SPDEF: variants seen among roughly 807,000 people sequenced by gnomAD.
SPDEF encodes SAM pointed domain containing ETS transcription factor.
Under a neutral mutation model 36.0 loss-of-function variants are expected in SPDEF, and 12 were observed. The observed-to-expected ratio is 0.33, with a 90% CI of 0.21 to 0.54. The LOEUF (loss-of-function observed/expected upper bound fraction) is 0.54. Ranked by LOEUF, SPDEF falls within the 20% of genes least tolerant of loss-of-function variation. The pLI is 0.93. For synonymous variants in SPDEF, 205 were observed against 193.0 expected, an observed-to-expected ratio of 1.06 and a Z score of -0.51; for missense variants, 388 against 456.9, an observed-to-expected ratio of 0.85 and a Z score of 1.37.
intron 1 of SPDEF, among the ~76,000 whole-genome samples, chr6:34,550,988 G>A (rs1429325580): frequency 6.6e-6 from 1 of 152,218 alleles, no homozygotes; most frequent in Non-Finnish European, 1.5e-5. Flanking sequence ...CAGGAGGAAG[G>A]TCAAACTGAA....
In SPDEF at chr6:34,552,549, TCCAG is replaced by T. The variant is rs1768084557; in HGVS notation, c.-30+3376_-30+3379del. On this transcript the variant is annotated intron_variant, in intron 1 of 5. Transcript: ENST00000374037. This position sits in a 1 kb window ranked among gnomAD's most constrained non-coding sequence, Gnocchi z 4.6. ...CCATCTGCCGTGTTTCTGCGGCCCC[TCCAG>T]ACCCAGCACAGGCCAGGGAAGGCAG... Among the ~76,000 whole-genome samples the T allele has an allele frequency of 6.6e-6, 1 of 152,110 alleles. No homozygotes were observed. The highest frequency in any genetic ancestry group is 1.5e-5 in the Non-Finnish European group (1 of 68,014).
intron 1 of SPDEF, among the ~76,000 whole-genome samples, chr6:34,547,631 T>C (rs915370638): frequency 6.6e-6 from 1 of 152,140 alleles, no homozygotes; most frequent in Non-Finnish European, 1.5e-5. Flanking sequence ...CCTCCCAAAC[T>C]GCTGGGATTA....
chr6:34,551,770 C>G (rs3778070), intron 1 of SPDEF, among the ~76,000 whole-genome samples: 27,022 of 152,098 alleles, frequency 0.18, 2,870 homozygotes, highest in East Asian at 0.55. Flanking sequence ...TGCACCTCAC[C>G]AGCTGCCCAT....
intron 2 of SPDEF, among the ~76,000 whole-genome samples, 177 bp from the exon 3 acceptor site, chr6:34,541,358 G>A (rs894124053): frequency 1.2e-4 from 19 of 152,260 alleles, no homozygotes; most frequent in African/African-American, 4.3e-4. Flanking sequence ...AGAGAGTGGG[G>A]CGAGAGGAAG....
intron 1 of SPDEF, among the ~76,000 whole-genome samples, chr6:34,554,454 G>A (rs1280887650): frequency 6.6e-6 from 1 of 152,190 alleles, no homozygotes; most frequent in Non-Finnish European, 1.5e-5. Flanking sequence ...CTGACAGTGT[G>A]CAATAAGCAA....
rs1426948384 is a variant in SPDEF, at chr6:34,538,527, G to A, written c.830-75C>T. The A allele has an allele frequency of 2.7e-6, 4 of 1,476,986 alleles. No individual in the cohort carries two copies. 91.5% of individuals were successfully genotyped at this position (1,476,986 alleles called of 1,614,324 possible). ...GAAGGAGAAAGACGCAGACCACCAG[G>A]TCAGCCTCGTGGCGAACCAAGGGAC... is the stretch of plus-strand genomic sequence containing the variant. On this transcript the variant is annotated intron_variant, in intron 5 of 5. Coordinates refer to ENST00000374037, the MANE Select transcript of SPDEF (RefSeq NM_012391.3). The surrounding 1 kb of genome is among the most constrained non-coding windows in gnomAD (Gnocchi z 5.9).
rs931542725 is a variant in SPDEF at position 34,552,317 on chromosome 6, T to A, written c.-30+3612A>T. Among the ~76,000 whole-genome samples, 3 of 152,196 alleles carry A rather than the reference T, an allele frequency of 2.0e-5. No individual in the cohort carries two copies. Among genetic ancestry groups the A allele is most frequent in the Non-Finnish European group, 4.4e-5 (3 of 68,042 alleles). On this transcript the variant is annotated intron_variant, in intron 1 of 5. Coordinates refer to ENST00000374037, the MANE Select transcript of SPDEF (RefSeq NM_012391.3). The surrounding 1 kb of genome is among the most constrained non-coding windows in gnomAD (Gnocchi z 4.6). The stretch of plus-strand genomic sequence containing the variant: ...CTGCCCAGCAGGGTCGTTGAGGGCA[T>A]GAGAACACACGGATGTCACCGGAGC...
At chr6:34,540,242 G>C (rs56781192) in intron 3 of SPDEF, among the ~76,000 whole-genome samples, 1,691 of 152,220 alleles carry the variant, frequency 0.011, 44 homozygotes, top group East Asian at 0.094. Context: ...CGAGGCTATA[G>C]TGAGCTGTGA....
chr6:34,547,242 C>T (rs916208714), intron 1 of SPDEF, among the ~76,000 whole-genome samples: 9 of 151,420 alleles, frequency 5.9e-5, no homozygotes, highest in Admixed American at 1.3e-4. Context: ...TGTGTGGGGT[C>T]GGTGGGGATG....
At chr6:34,543,893 C>T (rs2127286203) in intron 2 of SPDEF, 127 bp downstream of exon 2, 2 of 882,926 alleles carry the variant, frequency 2.3e-6, no homozygotes, top group Middle Eastern at 3.0e-4. Flanking sequence ...GTGCCAGCAT[C>T]CCCAAAGCTG....
At position 34,552,720 on chromosome 6, in the gene SPDEF, C is replaced by T. The variant is rs1768089165; in HGVS notation, c.-30+3209G>A. 6.6e-6 allele frequency among the ~76,000 whole-genome samples: 1 copy of T among 152,238 alleles called. No homozygotes were observed. The highest frequency in any genetic ancestry group is 1.5e-5 in the Non-Finnish European group (1 of 68,034). Reference sequence around the variant, plus strand: ...GTTAGGACAAAGTGAAGGACTCCAACATCACAGATGAGAAAAGTCCAGAAA... The same window carrying T: ...GTTAGGACAAAGTGAAGGACTCCAATATCACAGATGAGAAAAGTCCAGAAA... On this transcript the variant is annotated intron_variant, in intron 1 of 5. Transcript: ENST00000374037. The surrounding 1 kb of genome is among the most constrained non-coding windows in gnomAD (Gnocchi z 4.6).
chr6:34,541,045 G>A lies in SPDEF; in HGVS notation c.573C>T (p.Phe191=). The A allele has an allele frequency of 6.2e-7, 1 of 1,612,616 alleles. No homozygotes were observed. Among genetic ancestry groups the A allele is most frequent in the South Asian group, 1.1e-5 (1 of 90,926 alleles). ...CCCCACCCAGGGGCGAGCGCTGGCG[G>A]AACTGCTCCTCCGACATGGCGCACA... The part of the protein sequence containing the change: ...KELCAMSEEQ[F]RQRSPLGGDV... The change falls in exon 3 of 6, where the codon TTC becomes TTT. Residue 191 remains phenylalanine, a synonymous_variant. Transcript: ENST00000374037.
rs3778073 is a variant in SPDEF, at chr6:34,548,578, A to G, written c.-29-4094T>C. On this transcript the variant is annotated intron_variant, in intron 1 of 5. Coordinates refer to ENST00000374037, the MANE Select transcript of SPDEF (RefSeq NM_012391.3). Reference sequence around the variant, plus strand: ...GTGATTGTTTCATAGAATGGGAACAATGAAGCCCAGAGTGGGGAAGGGATT... The same window carrying G: ...GTGATTGTTTCATAGAATGGGAACAGTGAAGCCCAGAGTGGGGAAGGGATT... Among the ~76,000 whole-genome samples, 16 of 152,302 alleles carry G rather than the reference A, an allele frequency of 1.1e-4. No individual in the cohort carries two copies. In the East Asian group the frequency reaches 3.1e-3, roughly 29 times the overall value.
At chr6:34,545,931 C>T (rs1388583800) in intron 1 of SPDEF, among the ~76,000 whole-genome samples, 1 of 151,590 alleles carries the variant, frequency 6.6e-6, no homozygotes, top group Non-Finnish European at 1.5e-5. Flanking sequence ...AAACAAAACA[C>T]ACGCACACAC....
In SPDEF at chr6:34,538,334, G is replaced by T; in HGVS notation, c.948C>A (p.Gly316=). Reference sequence around the variant, plus strand: ...GGGAGATGTCTGGCTTCCGGATGATGCCCTTCTTGTAATACTGGCGGATGG... The same window carrying T: ...GGGAGATGTCTGGCTTCCGGATGATTCCCTTCTTGTAATACTGGCGGATGG... ...SRSIRQYYKK[G]IIRKPDISQR... The change falls in exon 6 of 6, where the codon GGC becomes GGA. Residue 316 remains glycine (G), a synonymous_variant. Transcript: ENST00000374037. The surrounding 1 kb of genome is among the most constrained non-coding windows in gnomAD (Gnocchi z 5.9). The T allele has an allele frequency of 6.2e-7, 1 of 1,614,180 alleles. No homozygotes were observed. Among genetic ancestry groups the T allele is most frequent in the Non-Finnish European group, 8.5e-7 (1 of 1,179,996 alleles).
chr6:34,542,411 A>G (rs1003498399), intron 2 of SPDEF, among the ~76,000 whole-genome samples: 3 of 152,228 alleles, frequency 2.0e-5, no homozygotes, highest in African/African-American at 7.2e-5. Flanking sequence ...TGACAGACAC[A>G]TGTATGCCAG....
intron 1 of SPDEF, among the ~76,000 whole-genome samples, chr6:34,550,374 C>T (rs559719544): frequency 1.6e-3 from 243 of 152,306 alleles, no homozygotes; most frequent in African/African-American, 4.6e-3. Flanking sequence ...CTGGACAGAC[C>T]ACCCCGCTGC....
At position 34,544,330 on chromosome 6, in the gene SPDEF, G is replaced by T. The variant is rs150753759; in HGVS notation, c.126C>A (p.Asp42Glu). The change falls in exon 2 of 6, where the codon GAC becomes GAA. Residue 42 changes from aspartate (D) to glutamate (E), a missense_variant. This residue lies in a region of SPDEF where 308 missense variants were observed against 326.1 expected (regional missense o/e 0.94). Coordinates refer to ENST00000374037, the MANE Select transcript of SPDEF (RefSeq NM_012391.3). This position sits in a 1 kb window ranked among gnomAD's most constrained non-coding sequence, Gnocchi z 4.4. Reference sequence around the variant, plus strand: ...GCGTGGCGGGTGGACTGGGACTCCAGTCCCGTCTCTCGAGACCCACTGCCC... The same window carrying T: ...GCGTGGCGGGTGGACTGGGACTCCATTCCCGTCTCTCGAGACCCACTGCCC... ...AAGAVGLERR[D>E]WSPSPPATPE... The T allele has an allele frequency of 4.4e-6, 7 of 1,608,508 alleles. No homozygotes were observed. Among genetic ancestry groups the T allele is most frequent in the Admixed American group, 1.7e-5 (1 of 60,008 alleles).
intron 1 of SPDEF, among the ~76,000 whole-genome samples, chr6:34,551,888 G>A (rs573905326): frequency 3.9e-4 from 59 of 152,160 alleles, no homozygotes; most frequent in Non-Finnish European, 7.1e-4. Context: ...TGACGGGGCG[G>A]GGACAGAACC....
Sources: gnomAD v4.1 joint callset for allele counts (sites outside exome capture counted in the v4.1 genomes callset) on GRCh38, gnomAD v4.1.1 for gene constraint, gnomAD v4.1.1 regional missense constraint, Gnocchi (gnomAD v3.1) non-coding constraint, MANE v1.5 for transcripts, NCBI Gene and HGNC (gene_info 2026-07-23, HGNC 2026-07-21) for gene names.